Variants in ARHGAP28 observed in about 807,000 individuals in gnomAD.
ARHGAP28 encodes rho GTPase-activating protein 28.
Under a neutral mutation model 90.7 loss-of-function variants are expected in ARHGAP28, and 56 were observed. The observed-to-expected ratio is 0.62, with a 90% CI of 0.50 to 0.77. The LOEUF is 0.77. Ranked by LOEUF, ARHGAP28 falls within the 30% of genes least tolerant of loss-of-function variation. The pLI is 0.00. For missense variants in ARHGAP28, 869 were observed against 900.9 expected, an observed-to-expected ratio of 0.96 and a Z score of 0.45; for synonymous variants, 308 against 323.3, an observed-to-expected ratio of 0.95 and a Z score of 0.51.
intron 1 of ARHGAP28, among the ~76,000 whole-genome samples, chr18:6,763,455 C>G (rs1374322873): frequency 6.6e-6 from 1 of 152,182 alleles, no homozygotes; most frequent in Non-Finnish European, 1.5e-5. Flanking sequence ...CAGACATGTA[C>G]AGATGACCCA....
intron 6 of ARHGAP28, among the ~76,000 whole-genome samples, chr18:6,868,476 A>G (rs758924837): frequency 6.6e-6 from 1 of 152,136 alleles, no homozygotes; most frequent in Non-Finnish European, 1.5e-5. Context: ...CGACCACCTC[A>G]TCATTTAGAA....
intron 1 of ARHGAP28, among the ~76,000 whole-genome samples, chr18:6,809,319 C>T (rs922647388): frequency 3.3e-5 from 5 of 152,152 alleles, no homozygotes; most frequent in African/African-American, 9.7e-5. Context: ...TTTTAACCTA[C>T]GTACCTGCAC....
In ARHGAP28 at chr18:6,882,259, C is replaced by G. The variant is rs374931092; in HGVS notation, c.1413C>G (p.Phe471Leu). 1 of 1,613,974 alleles carries G rather than the reference C, an allele frequency of 6.2e-7. No individual in the cohort carries two copies. The highest frequency in any genetic ancestry group is 1.7e-5 in the Admixed American group (1 of 60,002). ...AFFRELPTSL[F>L]PVEYIPAFIS... is the part of the protein sequence containing the mutation. ...TCAGAGAACTACCCACCTCTCTCTT[C>G]CCTGTGGAATATATACCTGCCTTCA... The change falls in exon 11 of 18, where the codon TTC becomes TTG. Residue 471 changes from phenylalanine to leucine, a missense_variant. Phe to Leu is a conservative substitution (Grantham distance 22). Transcript: ENST00000383472.
chr18:6,765,722 C>T (rs2056194978), intron 1 of ARHGAP28, among the ~76,000 whole-genome samples: 1 of 152,054 alleles, frequency 6.6e-6, no homozygotes, highest in Admixed American at 6.5e-5. Context: ...GATTTTGTAT[C>T]TCTCTTCTAT....
intron 12 of ARHGAP28, among the ~76,000 whole-genome samples, chr18:6,887,661 G>A (rs1012560890): frequency 2.6e-5 from 4 of 152,090 alleles, no homozygotes; most frequent in African/African-American, 9.6e-5. Context: ...GGGCTCAAGT[G>A]ATCCTCCTGC....
chr18:6,823,147 G>C (rs1404505641), intron 1 of ARHGAP28, among the ~76,000 whole-genome samples: 2 of 152,082 alleles, frequency 1.3e-5, no homozygotes, highest in Non-Finnish European at 2.9e-5. Flanking sequence ...AGACAAGAAG[G>C]CAAGCTTGGA....
At chr18:6,827,864 C>T (rs1363148176) in intron 2 of ARHGAP28, among the ~76,000 whole-genome samples, 6 of 149,386 alleles carry the variant, frequency 4.0e-5, no homozygotes, top group Admixed American at 3.3e-4. Flanking sequence ...ACATCTCAGA[C>T]GATGGGCGGC....
intron 1 of ARHGAP28, among the ~76,000 whole-genome samples, chr18:6,763,586 T>C (rs2056178628): frequency 2.0e-5 from 3 of 152,194 alleles, no homozygotes; most frequent in Admixed American, 2.0e-4. Flanking sequence ...TGCAGACACT[T>C]GTTTAATTTT....
At chr18:6,846,676 C>T (rs1170222422) in intron 3 of ARHGAP28, among the ~76,000 whole-genome samples, 1 of 152,190 alleles carries the variant, frequency 6.6e-6, no homozygotes, top group Non-Finnish European at 1.5e-5. Context: ...CCCCTTACTG[C>T]AGCCAGCGTC....
Position 6,887,167 on chromosome 18 carries a change from C to G in ARHGAP28, c.1464C>G (p.His488Gln), listed in dbSNP as rs745378361. 2 of 1,613,862 alleles carry G rather than the reference C, an allele frequency of 1.2e-6. No individual in the cohort carries two copies. The highest frequency in any genetic ancestry group is 1.7e-6 in the Non-Finnish European group (2 of 1,179,870). ...AFISLMERGP[H>Q]VKVQFQALHL... ...CTGTTTTCTTGTTAGGAGGGCCTCACGTCAAAGTACAGTTTCAAGCCTTAC... is the reference window on the plus strand; with the variant it reads ...CTGTTTTCTTGTTAGGAGGGCCTCAGGTCAAAGTACAGTTTCAAGCCTTAC... Residue 488 changes from histidine to glutamine, a missense_variant, in exon 12 of 18, where the codon CAC becomes CAG. Coordinates refer to ENST00000383472, the MANE Select transcript of ARHGAP28 (RefSeq NM_001366230.1).
rs1478324300 is a variant in ARHGAP28, at chr18:6,841,210, T to TC, written c.543+3797dup. On this transcript the variant is annotated intron_variant, in intron 3 of 17. Transcript: ENST00000383472. ...CTCTCTCTCTCTCTCTCTCCTCTCC[T>TC]CTCTCTCTCTCTCCCCCCAACCCGC... Among the ~76,000 whole-genome samples, 11 of 94,372 alleles carry TC rather than the reference T, an allele frequency of 1.2e-4. 1 individual carries two copies. The highest frequency in any genetic ancestry group is 4.4e-4 in the Admixed American group (4 of 9,010). 61.9% of individuals were successfully genotyped at this position (94,372 alleles called of 152,430 possible).
chr18:6,824,035 T>C (rs2056644012), intron 1 of ARHGAP28, among the ~76,000 whole-genome samples: 1 of 152,174 alleles, frequency 6.6e-6, no homozygotes, highest in Non-Finnish European at 1.5e-5. Context: ...GATTATCTGT[T>C]TTTTGTTTGT....
intron 1 of ARHGAP28, among the ~76,000 whole-genome samples, chr18:6,760,037 A>T (rs757868465): frequency 6.6e-6 from 1 of 152,220 alleles, no homozygotes; most frequent in Non-Finnish European, 1.5e-5. Context: ...AAAGAATTCA[A>T]TGTGCTAAAA....
At chr18:6,730,221 G>GTATGTATATATATATATATATATA (rs1555621918) in intron 1 of ARHGAP28, 1 of 172,214 alleles carries the variant, frequency 5.8e-6, no homozygotes, top group Non-Finnish European at 1.1e-5. Flanking sequence ...TAAGTCATGT[G>GTATGTATATATATATATATATATA]TATATATATA....
rs879435885 is a variant in ARHGAP28, at chr18:6,914,180, A to G, written c.*2026A>G. The G allele has an allele frequency of 6.6e-6, 1 of 152,194 alleles. No homozygotes were observed. The highest frequency in any genetic ancestry group is 1.5e-5 in the Non-Finnish European group (1 of 68,006). 9.4% of individuals were successfully genotyped at this position (152,194 alleles called of 1,614,324 possible). A position where few individuals can be genotyped will look rare whatever the true frequency, so the allele number is the denominator to read the frequency against. ...AAAACACATTAGAACCTATGAGTAA[A>G]TTCTGAAGGTTTTAAGATTTACTTC... On this transcript the variant is annotated 3_prime_UTR_variant, in exon 18 of 18. Transcript: ENST00000383472.
intron 7 of ARHGAP28, 83 bp from the exon 8 acceptor site, chr18:6,873,326 T>G: frequency 8.5e-7 from 1 of 1,175,976 alleles, no homozygotes; most frequent in Non-Finnish European, 1.2e-6. Flanking sequence ...TGCATAGATT[T>G]AGAGTGTCCA....
At chr18:6,908,553 T>C (rs1175993884) in intron 16 of ARHGAP28, among the ~76,000 whole-genome samples, 1 of 152,242 alleles carries the variant, frequency 6.6e-6, no homozygotes, top group Non-Finnish European at 1.5e-5. Flanking sequence ...ATTCAATTTT[T>C]TGGCAAATGC....
chr18:6,764,005 A>T (rs1165856058), intron 1 of ARHGAP28, among the ~76,000 whole-genome samples: 1 of 152,222 alleles, frequency 6.6e-6, no homozygotes, highest in Non-Finnish European at 1.5e-5. Context: ...TCTTCTATCA[A>T]ACTAAAGAAA....
intron 1 of ARHGAP28, among the ~76,000 whole-genome samples, chr18:6,782,584 A>ATTTTTTTT (rs1567945676): frequency 2.8e-5 from 2 of 71,302 alleles, no homozygotes; most frequent in African/African-American, 8.8e-5. Flanking sequence ...CGCCCAGCTA[A>ATTTTTTTT]TTTTTGTATT....
Sources: allele counts gnomAD v4.1 joint callset (sites outside exome capture counted in the v4.1 genomes callset), GRCh38; gene constraint gnomAD v4.1.1; transcripts MANE v1.5; gene names NCBI Gene and HGNC (gene_info 2026-07-23, HGNC 2026-07-21).